MYO6: variants seen among roughly 807,000 people sequenced by gnomAD.
MYO6 encodes the protein myosin VI.
MYO6 carries 74 observed loss-of-function variants against 178.7 expected under a neutral mutation model. The observed-to-expected ratio is 0.41, with a 90% CI of 0.34 to 0.50. The LOEUF is 0.50. Ranked by LOEUF, MYO6 falls within the 20% of genes least tolerant of loss-of-function variation. The probability of loss-of-function intolerance (pLI) is 0.09; values close to 1 mark genes in which losing one functional copy is unlikely to be tolerated. For synonymous variants in MYO6, 477 were observed against 504.6 expected (o/e 0.95, Z 0.73); for missense variants, 1,330 against 1,547.4 (o/e 0.86, Z 2.36).
chr6:75,851,124 T>C (rs1164217384), intron 11 of MYO6, among the ~76,000 whole-genome samples: 1 of 152,240 alleles, frequency 6.6e-6, no homozygotes, highest in Admixed American at 6.5e-5. Context: ...TTAGAAGTGA[T>C]AAATGGCATC....
At chr6:75,852,825 GT>G (rs1020468388) in intron 11 of MYO6, among the ~76,000 whole-genome samples, 3 of 152,130 alleles carry the variant, frequency 2.0e-5, no homozygotes, top group African/African-American at 7.2e-5. Flanking sequence ...ACAAATTTGT[GT>G]TTGGATGTGT....
At position 75,841,278 on chromosome 6, in the gene MYO6, G is replaced by C; in HGVS notation, c.716G>C (p.Gly239Ala). 1 of 1,613,920 alleles carries C rather than the reference G, an allele frequency of 6.2e-7. No individual in the cohort carries two copies. Among genetic ancestry groups the C allele is most frequent in the Non-Finnish European group, 8.5e-7 (1 of 1,179,902 alleles). Reference protein sequence around the residue: ...LLEKSRICVQGKEERNYHIFY... With the variant: ...LLEKSRICVQAKEERNYHIFY... ...GAGAAATCTAGGATCTGTGTTCAAG[G>C]CAAAGAGGAAAGAAATTATCATATC... is the stretch of plus-strand genomic sequence containing the variant. Residue 239 changes from glycine to alanine, a missense_variant, in exon 9 of 35, where the codon GGC becomes GCC. Around this residue, in one of 3 missense-constraint regions of MYO6, gnomAD observed 613 missense variants for 816.8 expected, o/e 0.75. Transcript: ENST00000369977.
intron 10 of MYO6, 138 bp downstream of exon 10, chr6:75,845,115 TA>T (rs1774600531): frequency 1.4e-6 from 1 of 701,660 alleles, no homozygotes; most frequent in South Asian, 1.7e-5. Context: ...AATATTCATC[TA>T]AGTCTCTGTC....
At chr6:75,768,899 C>G (rs940959388) in intron 1 of MYO6, among the ~76,000 whole-genome samples, 1 of 152,142 alleles carries the variant, frequency 6.6e-6, no homozygotes, top group Non-Finnish European at 1.5e-5. Flanking sequence ...GATGTAGAAG[C>G]ATGGTACCAG....
chr6:75,894,827 C>G, intron 28 of MYO6: 1 of 1,520,222 alleles, frequency 6.6e-7, no homozygotes, highest in Non-Finnish European at 8.9e-7. Context: ...GGATTCCTAT[C>G]CGGTAACTTC....
At chr6:75,909,891 A>ATAT (rs1780631970) in intron 32 of MYO6, among the ~76,000 whole-genome samples, 1 of 152,198 alleles carries the variant, frequency 6.6e-6, no homozygotes, top group Non-Finnish European at 1.5e-5. Flanking sequence ...CAGTGTTTAA[A>ATAT]TAAAGTCAAT....
In MYO6 at chr6:75,908,576, A is replaced by C; in HGVS notation, c.3361A>C (p.Lys1121Gln). ...TCATGCTTGGAAATCTAAGAACAAG[A>C]AGAGAAATACTGAAACAGAGCAACG... Reference protein sequence around the residue: ...VYHAWKSKNKKRNTETEQRAP... With the variant: ...VYHAWKSKNKQRNTETEQRAP... The change falls in exon 32 of 35, where the codon AAG becomes CAG. Residue 1121 changes from lysine to glutamine, a missense_variant. Physicochemically the swap from Lys to Gln is moderately conservative, Grantham distance 53 (BLOSUM62 1). Coordinates refer to ENST00000369977, the MANE Select transcript of MYO6 (RefSeq NM_004999.4). The C allele has an allele frequency of 6.2e-7, 1 of 1,613,628 alleles. No individual in the cohort carries two copies. The highest frequency in any genetic ancestry group is 8.5e-7 in the Non-Finnish European group (1 of 1,179,706).
intron 33 of MYO6, among the ~76,000 whole-genome samples, chr6:75,912,121 T>C (rs1006998857): frequency 5.3e-5 from 8 of 152,028 alleles, no homozygotes; most frequent in Non-Finnish European, 1.5e-5. Context: ...GTTTTATAGA[T>C]AATGTGATAG....
intron 20 of MYO6, among the ~76,000 whole-genome samples, chr6:75,876,087 C>T (rs1478839284): frequency 6.6e-6 from 1 of 152,054 alleles, no homozygotes; most frequent in Non-Finnish European, 1.5e-5. Flanking sequence ...ATGCTGCCTC[C>T]TCTGTTTGGG....
At chr6:75,809,642 G>C (rs553668879) in intron 1 of MYO6, among the ~76,000 whole-genome samples, 5 of 152,012 alleles carry the variant, frequency 3.3e-5, no homozygotes, top group Admixed American at 6.6e-5. Flanking sequence ...ATCTCGAAGT[G>C]GGGGGGTGGT....
At chr6:75,887,895 A>C (rs1187001804) in intron 25 of MYO6, among the ~76,000 whole-genome samples, 1 of 150,066 alleles carries the variant, frequency 6.7e-6, no homozygotes, top group Admixed American at 6.6e-5. Context: ...AGGAGAATGG[A>C]GTGAACCGGG....
At chr6:75,773,015 G>T (rs1766035829) in intron 1 of MYO6, among the ~76,000 whole-genome samples, 1 of 152,086 alleles carries the variant, frequency 6.6e-6, no homozygotes. Context: ...ATGTGTTTCT[G>T]ATAGTCAAAA....
chr6:75,780,391 G>A (rs1583049984), intron 1 of MYO6, among the ~76,000 whole-genome samples: 1 of 152,106 alleles, frequency 6.6e-6, no homozygotes, highest in Non-Finnish European at 1.5e-5. Flanking sequence ...GCAGTGAGTC[G>A]AGATTGTGCC....
Position 75,817,644 on chromosome 6 carries a change from C to T in MYO6, c.97C>T (p.Pro33Ser). The change falls in exon 2 of 35, where the codon CCC becomes TCC. Residue 33 changes from proline (P) to serine (S), a missense_variant. Coordinates refer to ENST00000369977, the MANE Select transcript of MYO6 (RefSeq NM_004999.4). ...DIGPDSLTIE[P>S]LNQKGKTFLA... ...TGGCCCCGACAGCTTAACAATTGAA[C>T]CCTTGAATCAGAAAGGCAAGGTGAG... 6.2e-7 allele frequency: 1 copy of T among 1,613,954 alleles called. No individual in the cohort carries two copies. Among genetic ancestry groups the T allele is most frequent in the South Asian group, 1.1e-5 (1 of 91,078 alleles).
intron 11 of MYO6, among the ~76,000 whole-genome samples, chr6:75,850,110 A>G (rs1019928122): frequency 6.6e-6 from 1 of 152,086 alleles, no homozygotes; most frequent in Non-Finnish European, 1.5e-5. Context: ...TTAAGCACAT[A>G]TCTTTAATAT....
intron 1 of MYO6, among the ~76,000 whole-genome samples, chr6:75,778,066 C>A (rs1766567498): frequency 6.6e-6 from 1 of 151,718 alleles, no homozygotes; most frequent in South Asian, 2.1e-4. Flanking sequence ...TGCTGTATTG[C>A]CCAAGCTGAT....
intron 27 of MYO6, 87 bp from the exon 28 acceptor site, chr6:75,892,443 T>G: frequency 1.9e-6 from 3 of 1,563,212 alleles, no homozygotes; most frequent in Non-Finnish European, 2.6e-6. Flanking sequence ...GGGGCAGTTA[T>G]GCTTTCCCTT....
chr6:75,914,706 A>T, intron 34 of MYO6, 107 bp from the exon 35 acceptor site: 1 of 1,081,062 alleles, frequency 9.3e-7, no homozygotes, highest in Non-Finnish European at 1.4e-6. Flanking sequence ...AAAAAGTCTT[A>T]GGAAGTTTTC....
At chr6:75,874,815 T>G (rs1777441279) in intron 20 of MYO6, among the ~76,000 whole-genome samples, 1 of 152,248 alleles carries the variant, frequency 6.6e-6, no homozygotes, top group Admixed American at 6.5e-5. Context: ...TTTTTCAGTT[T>G]CATGCATTCT....
Sources: gnomAD v4.1 joint callset for allele counts (sites outside exome capture counted in the v4.1 genomes callset) on GRCh38, gnomAD v4.1.1 for gene constraint, gnomAD v4.1.1 regional missense constraint, MANE v1.5 for transcripts, NCBI Gene and HGNC (gene_info 2026-07-23, HGNC 2026-07-21) for gene names.